GK: variants seen among roughly 807,000 people sequenced by gnomAD.
GK encodes the protein glycerol kinase.
A neutral mutation model predicts 56.4 loss-of-function variants in GK; 9 were observed. The observed-to-expected ratio is 0.16, with a 90% CI of 0.10 to 0.28. GK has a LOEUF of 0.28. Among genes scored for constraint, GK ranks in the 10% least tolerant of loss-of-function variants. GK has a pLI of 1.00. For synonymous variants in GK, 104 were observed against 144.1 expected, an observed-to-expected ratio of 0.72 and a Z score of 1.99; for missense variants, 161 against 431.4, an observed-to-expected ratio of 0.37 and a Z score of 5.55.
At chrX:30,726,604 T>C (rs969885474) in intron 19 of GK, among the ~76,000 whole-genome samples, 1 of 111,930 alleles carries the variant, frequency 8.9e-6, no homozygotes, top group African/African-American at 3.2e-5. Flanking sequence ...GTTTTTTGAA[T>C]AGATTTATGA....
chrX:30,708,154 T>C lies in GK; in HGVS notation c.975+20T>C. On this transcript the variant is annotated intron_variant, in intron 13 of 20. Transcript: ENST00000427190. ...TTGGAAGTAAGTTCTTTTTAATCAA[T>C]ATGGATAATATGACAAACATTCAAA... 1 of 761,605 alleles carries C rather than the reference T, an allele frequency of 1.3e-6. No individual in the cohort carries two copies. The highest frequency in any genetic ancestry group is 2.0e-6 in the Non-Finnish European group (1 of 496,373). The allele number at this position is 761,605 out of a possible 1,213,427, so 62.8% of individuals were successfully genotyped here. A position where few individuals can be genotyped will look rare whatever the true frequency, so the allele number is the denominator to read the frequency against.
chrX:30,699,905 T>C (rs1048903180), intron 9 of GK: 1 of 112,873 alleles, frequency 8.9e-6, no homozygotes, highest in Non-Finnish European at 1.9e-5. Flanking sequence ...ATACAATACC[T>C]GAACACTCTT....
intron 11 of GK, among the ~76,000 whole-genome samples, chrX:30,701,199 C>T (rs766067536): frequency 8.1e-5 from 9 of 111,546 alleles, no homozygotes; most frequent in Non-Finnish European, 1.7e-4. Context: ...CACCTGAGGC[C>T]GGGAGTTAGA....
intron 4 of GK, among the ~76,000 whole-genome samples, chrX:30,681,532 A>C (rs1308126908): frequency 8.9e-6 from 1 of 112,264 alleles, no homozygotes; most frequent in Non-Finnish European, 1.9e-5. Flanking sequence ...ATGAGAAAAA[A>C]CGAGGCAGAA....
At chrX:30,689,032 G>C in intron 4 of GK, among the ~76,000 whole-genome samples, 1 of 112,029 alleles carries the variant, frequency 8.9e-6, no homozygotes, top group Non-Finnish European at 1.9e-5. Flanking sequence ...ATCTTACCCA[G>C]TGCACTGAAC....
Position 30,685,725 on chromosome X carries a change from G to A in GK, c.338-5398G>A, listed in dbSNP as rs755780077. 1.3e-4 allele frequency among the ~76,000 whole-genome samples: 15 copies of A among 112,096 alleles called. No individual in the cohort carries two copies. In the South Asian group the frequency reaches 1.8e-3, roughly 14 times the overall value. On this transcript the variant is annotated intron_variant, in intron 4 of 20. Coordinates refer to ENST00000427190, the MANE Select transcript of GK (RefSeq NM_001205019.2). Reference sequence around the variant, plus strand: ...ATTTTTATCCCGTTAAGACTGTGACGTCATCATGGCTATACCTACCTAGAG... The same window carrying A: ...ATTTTTATCCCGTTAAGACTGTGACATCATCATGGCTATACCTACCTAGAG...
At chrX:30,703,127 T>C (rs1430308739) in intron 11 of GK, among the ~76,000 whole-genome samples, 1 of 111,359 alleles carries the variant, frequency 9.0e-6, no homozygotes, top group Non-Finnish European at 1.9e-5. Flanking sequence ...AAATGAGCAG[T>C]ATTGGAGGGT....
rs772453233 is a variant in GK, at chrX:30,703,777, A to G, written c.851+2872A>G. 1.8e-3 allele frequency among the ~76,000 whole-genome samples: 198 copies of G among 110,405 alleles called. 1 individual carries two copies. The highest frequency in any genetic ancestry group is 6.2e-3 in the African/African-American group (188 of 30,223). On this transcript the variant is annotated intron_variant, in intron 11 of 20. Transcript: ENST00000427190. ...GGAGTTTGAGACCAGTCTGGCCATC[A>G]TGGCAGAACCCTGTCTCTACTACAA...
intron 9 of GK, 101 bp downstream of exon 9, chrX:30,697,850 T>G: frequency 1.6e-6 from 1 of 617,591 alleles, no homozygotes; most frequent in Non-Finnish European, 2.8e-6. Context: ...ACTAAACATA[T>G]ATATCTAGAA....
rs1369789740 is a variant in GK at position 30,730,622 on chromosome X, T to C, written c.*1880T>C. The C allele has an allele frequency of 8.9e-6, 1 of 111,776 alleles. No individual in the cohort carries two copies. Among genetic ancestry groups the C allele is most frequent in the Admixed American group, 9.6e-5 (1 of 10,425 alleles). The allele number at this position is 111,776 out of a possible 1,213,427, so 9.2% of individuals were successfully genotyped here. ...CCCTTGTTCTTACTTGCATTTCTCA[T>C]TTACAGACTAGAACTTAGTTGAAAG... On this transcript the variant is annotated 3_prime_UTR_variant, in exon 21 of 21. Transcript: ENST00000427190.
chrX:30,708,390 A>C (rs1346079064), intron 13 of GK, among the ~76,000 whole-genome samples: 2 of 106,985 alleles, frequency 1.9e-5, no homozygotes, highest in Admixed American at 2.0e-4. Context: ...TGAGAGCTCT[A>C]CAATGTAAGG....
At position 30,718,527 on chromosome X, in the gene GK, T is replaced by C; in HGVS notation, c.976-11T>C. 8.6e-7 allele frequency: 1 copy of C among 1,156,114 alleles called. No individual in the cohort carries two copies. Among genetic ancestry groups the C allele is most frequent in the Non-Finnish European group, 1.2e-6 (1 of 845,667 alleles). On this transcript the variant is annotated splice_polypyrimidine_tract_variant and intron_variant, in intron 13 of 20. Transcript: ENST00000427190. ...AAATATATTCTGTCTTGAATTCCTT[T>C]TTTTCTTTAGGGTTCTGTAGCTATA...
chrX:30,715,350 A>G (rs1936563418), intron 13 of GK, among the ~76,000 whole-genome samples: 1 of 111,867 alleles, frequency 8.9e-6, no homozygotes, highest in Non-Finnish European at 1.9e-5. Context: ...TTAGCCTTTC[A>G]CTTTCCAGGC....
At chrX:30,698,171 C>T (rs1174971258) in intron 9 of GK, 1 of 127,455 alleles carries the variant, frequency 7.8e-6, no homozygotes, top group Non-Finnish European at 1.6e-5. Flanking sequence ...CCAGGAGGAG[C>T]ATCAGAGGTC....
intron 3 of GK, chrX:30,672,310 A>G (rs112324337): frequency 0.053 from 5,874 of 110,866 alleles, 173 homozygotes; most frequent in Non-Finnish European, 0.077. Context: ...GTTAGAGAAA[A>G]GGGAAACCCA....
intron 9 of GK, among the ~76,000 whole-genome samples, chrX:30,699,301 T>A: frequency 2.9e-5 from 2 of 68,419 alleles, no homozygotes; most frequent in Non-Finnish European, 5.6e-5. Flanking sequence ...ATACATAACA[T>A]GTATATATAT....
At chrX:30,689,087 T>C (rs1934784987) in intron 4 of GK, among the ~76,000 whole-genome samples, 1 of 112,729 alleles carries the variant, frequency 8.9e-6, no homozygotes, top group Admixed American at 9.4e-5. Flanking sequence ...ATTTTTAAAG[T>C]AGGTAATCAA....
At chrX:30,674,364 CT>C (rs747154074) in intron 3 of GK, 1 of 328,899 alleles carries the variant, frequency 3.0e-6, no homozygotes, top group Non-Finnish European at 5.9e-6. Context: ...CCTCACCTTC[CT>C]GTTGCTGTGC....
At chrX:30,719,276 C>T (rs1936777243) in intron 14 of GK, 143 bp from the exon 15 acceptor site, 1 of 466,139 alleles carries the variant, frequency 2.1e-6, no homozygotes, top group East Asian at 3.8e-5. Flanking sequence ...TAGCATACTA[C>T]TGTAGTTAGC....
Sources: gnomAD v4.1 joint callset for allele counts (sites outside exome capture counted in the v4.1 genomes callset) on GRCh38, gnomAD v4.1.1 for gene constraint, MANE v1.5 for transcripts, NCBI Gene and HGNC (gene_info 2026-07-23, HGNC 2026-07-21) for gene names.